Variants in CCDC186 observed in about 807,000 individuals in gnomAD.
CCDC186 encodes the protein coiled-coil domain containing 186.
In CCDC186, 49 loss-of-function variants were observed where a neutral mutation model predicts 113.7. That is an observed-to-expected ratio of 0.43 (90% CI 0.34 to 0.55). The LOEUF is 0.55. CCDC186 is among the 20% of genes least tolerant of loss of function. CCDC186 has a pLI of 0.02. For synonymous variants in CCDC186, 355 were observed against 345.8 expected (o/e 1.03, Z -0.30); for missense variants, 890 against 1,011.1 (o/e 0.88, Z 1.62).
Position 114,163,237 on chromosome 10 carries a change from G to T in CCDC186, c.32C>A (p.Ser11Tyr). The change falls in exon 2 of 16, where the codon TCC becomes TAC. Residue 11 changes from serine (S) to tyrosine (Y), a missense_variant. Physicochemically the swap from Ser to Tyr is moderately radical, Grantham distance 144. Coordinates refer to ENST00000369287, the MANE Select transcript of CCDC186 (RefSeq NM_018017.4). ...TGTTTTCCCAACATTTTTATCAGAG[G>T]AAGTAGAGGCTATGTGGTCTGTCTC... is the stretch of plus-strand genomic sequence containing the variant. The part of the protein sequence containing the change: MSETDHIAST[S>Y]SDKNVGKTPE... 1 of 1,612,722 alleles carries T rather than the reference G, an allele frequency of 6.2e-7. No homozygotes were observed. Among genetic ancestry groups the T allele is most frequent in the African/African-American group, 1.3e-5 (1 of 75,008 alleles).
intron 1 of CCDC186, chr10:114,165,849 C>CAA (rs56143525): frequency 6.6e-4 from 455 of 693,216 alleles, no homozygotes; most frequent in South Asian, 9.7e-4. Context: ...CACTTTGTCT[C>CAA]AAAAAAAAAA....
intron 1 of CCDC186, among the ~76,000 whole-genome samples, chr10:114,169,188 T>G (rs1003999684): frequency 6.6e-6 from 1 of 151,822 alleles, no homozygotes; most frequent in African/African-American, 2.4e-5. Flanking sequence ...AAATTTGGCT[T>G]CATTCACAGA....
chr10:114,132,641 G>T (rs1038160041), intron 10 of CCDC186, among the ~76,000 whole-genome samples: 1 of 152,174 alleles, frequency 6.6e-6, no homozygotes, highest in Admixed American at 6.5e-5. Context: ...GTGTGGATGT[G>T]TTCCAAAAAA....
Position 114,162,611 on chromosome 10 carries a change from A to T in CCDC186, c.632+26T>A, listed in dbSNP as rs769474860. On this transcript the variant is annotated intron_variant, in intron 2 of 15. Transcript: ENST00000369287. ...TCCCTGTGCCTGTGAGGGAAAAAAA[A>T]TAACCTAAAGGTATAAAAAACTTAC... 4.1e-6 allele frequency: 6 copies of T among 1,472,030 alleles called. No homozygotes were observed. In the South Asian group the frequency reaches 5.6e-5, roughly 14 times the overall value. The allele number at this position is 1,472,030 out of a possible 1,614,324, so 91.2% of individuals were successfully genotyped here.
In CCDC186 at chr10:114,147,859, G is replaced by A. The variant is rs542336237; in HGVS notation, c.889-2098C>T. Among the ~76,000 whole-genome samples the A allele has an allele frequency of 3.9e-4, 59 of 152,148 alleles. 1 individual carries two copies. The South Asian group carries it at 0.011, about 29-fold the overall frequency. On this transcript the variant is annotated intron_variant, in intron 4 of 15. Transcript: ENST00000369287. Reference sequence around the variant, plus strand: ...TTATGAGGGTCTTGGCTGGATGCAAGGAGTCATGCCTGTAATCCCAGCACT... The same window carrying A: ...TTATGAGGGTCTTGGCTGGATGCAAAGAGTCATGCCTGTAATCCCAGCACT...
chr10:114,132,258 A>T, intron 10 of CCDC186, 74 bp from the exon 11 acceptor site: 3 of 1,053,974 alleles, frequency 2.8e-6, no homozygotes, highest in Middle Eastern at 3.0e-4. Flanking sequence ...GGGAATTTTC[A>T]TCTAGTCAAA....
At position 114,135,953 on chromosome 10, in the gene CCDC186, G is replaced by A. The variant is rs148994753; in HGVS notation, c.1450C>T (p.Leu484=). ...TTAAATGTTCTCTTCAGATCTTCTAGTTCCTTTATTTTGGCATGATGCATC... is the reference window on the plus strand; with the variant it reads ...TTAAATGTTCTCTTCAGATCTTCTAATTCCTTTATTTTGGCATGATGCATC... ...LEMHHAKIKE[L]EDLKRTFKEG... is the part of the protein sequence containing the mutation. The change falls in exon 9 of 16, where the codon CTA becomes TTA. Residue 484 remains leucine (L), a synonymous_variant. Transcript: ENST00000369287. 6.8e-6 allele frequency: 11 copies of A among 1,612,862 alleles called. No individual in the cohort carries two copies. The highest frequency in any genetic ancestry group is 9.3e-6 in the Non-Finnish European group (11 of 1,179,478).
intron 6 of CCDC186, among the ~76,000 whole-genome samples, chr10:114,144,050 A>G (rs140451705): frequency 6.7e-4 from 102 of 152,124 alleles, no homozygotes; most frequent in Non-Finnish European, 1.2e-3. Flanking sequence ...TATTATATTT[A>G]AATAAGAATG....
At chr10:114,149,420 G>C (rs866612075) in intron 4 of CCDC186, among the ~76,000 whole-genome samples, 4 of 152,064 alleles carry the variant, frequency 2.6e-5, no homozygotes, top group Admixed American at 6.6e-5. Context: ...CTTTAGGAAG[G>C]GGGTAAAATG....
chr10:114,124,154 T>C lies in CCDC186; in HGVS notation c.*989A>G, dbSNP rs1369317367. On this transcript the variant is annotated 3_prime_UTR_variant, in exon 16 of 16. Coordinates refer to ENST00000369287, the MANE Select transcript of CCDC186 (RefSeq NM_018017.4). Reference sequence around the variant, plus strand: ...GCGTGAGCTACTGCACCTGGTCTACTTTATGTTTTAAATAAATACACTGAA... The same window carrying C: ...GCGTGAGCTACTGCACCTGGTCTACCTTATGTTTTAAATAAATACACTGAA... The C allele has an allele frequency of 6.6e-6, 1 of 152,210 alleles. No individual in the cohort carries two copies. Among genetic ancestry groups the C allele is most frequent in the Non-Finnish European group, 1.5e-5 (1 of 68,054 alleles). The allele number at this position is 152,210 out of a possible 1,614,324, so 9.4% of individuals were successfully genotyped here.
At chr10:114,128,926 T>C (rs1364654127) in intron 13 of CCDC186, among the ~76,000 whole-genome samples, 1 of 152,160 alleles carries the variant, frequency 6.6e-6, no homozygotes, top group Non-Finnish European at 1.5e-5. Context: ...GTACACCAAA[T>C]CTCTTTGTAT....
At chr10:114,150,734 C>T (rs780596076) in intron 4 of CCDC186, among the ~76,000 whole-genome samples, 12 of 152,090 alleles carry the variant, frequency 7.9e-5, no homozygotes, top group Non-Finnish European at 1.8e-4. Context: ...CTGCAACCTC[C>T]GCCTCCCGGG....
Position 114,121,925 on chromosome 10 carries a change from A to G in CCDC186, c.*3218T>C, listed in dbSNP as rs940485035. ...CTCCCAGGCTCAGATGATCCTCCCA[A>G]CTCAGCCTCCTGGGTAGCTGGGACC... On this transcript the variant is annotated 3_prime_UTR_variant, in exon 16 of 16. Coordinates refer to ENST00000369287, the MANE Select transcript of CCDC186 (RefSeq NM_018017.4). 3 of 151,982 alleles carry G rather than the reference A, an allele frequency of 2.0e-5. No homozygotes were observed. Among genetic ancestry groups the G allele is most frequent in the African/African-American group, 7.3e-5 (3 of 41,314 alleles). 9.4% of individuals were successfully genotyped at this position (151,982 alleles called of 1,614,324 possible).
At chr10:114,169,435 G>A (rs1022799751) in intron 1 of CCDC186, among the ~76,000 whole-genome samples, 3 of 151,672 alleles carry the variant, frequency 2.0e-5, no homozygotes, top group Admixed American at 6.6e-5. Flanking sequence ...GTAAAGATGG[G>A]GTTTCACCAT....
At chr10:114,140,314 A>C (rs556381467) in intron 6 of CCDC186, among the ~76,000 whole-genome samples, 8 of 152,340 alleles carry the variant, frequency 5.3e-5, no homozygotes, top group East Asian at 1.9e-4. Context: ...AGACATGAGC[A>C]AGAAGATCTG....
In CCDC186 at chr10:114,136,186, G is replaced by C; in HGVS notation, c.1387C>G (p.Leu463Val). ...DAKLRVTKGE[L>V]EKQMQEKSDQ... ...GATTTTTCTTGCATTTGTTTTTCAAGTTCTCCTTTTGTGACTCTAAGCTTT... is the reference window on the plus strand; with the variant it reads ...GATTTTTCTTGCATTTGTTTTTCAACTTCTCCTTTTGTGACTCTAAGCTTT... Residue 463 changes from leucine to valine, a missense_variant, in exon 8 of 16, where the codon CTT (leucine) becomes GTT (valine). Transcript: ENST00000369287. 6.2e-7 allele frequency: 1 copy of C among 1,612,960 alleles called. No individual in the cohort carries two copies. The highest frequency in any genetic ancestry group is 8.5e-7 in the Non-Finnish European group (1 of 1,179,820).
intron 2 of CCDC186, 191 bp downstream of exon 2, chr10:114,162,446 A>G (rs890390109): frequency 5.3e-5 from 26 of 491,614 alleles, no homozygotes; most frequent in Middle Eastern, 1.1e-3. Context: ...AACATATTGA[A>G]CTCAGATATC....
At chr10:114,148,489 T>C (rs765255344) in intron 4 of CCDC186, among the ~76,000 whole-genome samples, 1 of 152,210 alleles carries the variant, frequency 6.6e-6, no homozygotes, top group Non-Finnish European at 1.5e-5. Flanking sequence ...ATGAATAAGA[T>C]AATCAATAGG....
chr10:114,140,546 G>A (rs2031434145), intron 6 of CCDC186, among the ~76,000 whole-genome samples: 1 of 152,146 alleles, frequency 6.6e-6, no homozygotes, highest in South Asian at 2.1e-4. Flanking sequence ...TATGAATCTG[G>A]AGTTGCCTTA....
Sources: allele counts gnomAD v4.1 joint callset (sites outside exome capture counted in the v4.1 genomes callset), GRCh38; gene constraint gnomAD v4.1.1; transcripts MANE v1.5; gene names NCBI Gene and HGNC (gene_info 2026-07-23, HGNC 2026-07-21).